COL15A1: variants seen among roughly 807,000 people sequenced by gnomAD.
COL15A1 encodes collagen alpha-1(XV) chain.
A neutral mutation model predicts 165.9 loss-of-function variants in COL15A1; 111 were observed. The observed-to-expected ratio is 0.67, with a 90% CI of 0.57 to 0.78. COL15A1 has a LOEUF of 0.78. Ranked by LOEUF, COL15A1 falls within the 30% of genes least tolerant of loss-of-function variation. COL15A1 has a pLI of 0.00. For missense variants in COL15A1, 1,745 were observed against 1,789.7 expected (o/e 0.98, Z 0.45); for synonymous variants, 659 against 674.8 (o/e 0.98, Z 0.36).
At chr9:99,007,549 T>C (rs1838783323) in intron 9 of COL15A1, among the ~76,000 whole-genome samples, 1 of 152,192 alleles carries the variant, frequency 6.6e-6, no homozygotes, top group Non-Finnish European at 1.5e-5. Context: ...AAGTTCACTT[T>C]TATCAGGCTG....
intron 21 of COL15A1, among the ~76,000 whole-genome samples, chr9:99,037,117 T>C (rs3780620): frequency 0.33 from 50,713 of 152,074 alleles, 9,672 homozygotes; most frequent in East Asian, 0.65. Flanking sequence ...TGGGAAGATG[T>C]CCACACAAAT....
chr9:99,048,103 G>A, intron 28 of COL15A1, 103 bp downstream of exon 28: 1 of 753,754 alleles, frequency 1.3e-6, no homozygotes. Context: ...CAGGAATGTT[G>A]TTCTTCTTCC....
chr9:99,011,145 A>G (rs762324122), intron 9 of COL15A1, among the ~76,000 whole-genome samples: 5 of 152,246 alleles, frequency 3.3e-5, no homozygotes, highest in African/African-American at 9.6e-5. Context: ...GTGTAAAAAA[A>G]TTATAATGCC....
chr9:99,061,130 G>A (rs891761438), intron 36 of COL15A1, among the ~76,000 whole-genome samples: 3 of 152,176 alleles, frequency 2.0e-5, no homozygotes, highest in African/African-American at 7.2e-5. Flanking sequence ...TTTGATCTTT[G>A]CTGGATGTTA....
Position 99,056,420 on chromosome 9 carries a change from A to G in COL15A1, c.3337+16A>G. On this transcript the variant is annotated intron_variant, in intron 35 of 41. Transcript: ENST00000375001. Reference sequence around the variant, plus strand: ...CTGGGAGCAGGTTAGTGCCGTAAACAGTGCCCTTGTTCATGCTGTCCCTAC... The same window carrying G: ...CTGGGAGCAGGTTAGTGCCGTAAACGGTGCCCTTGTTCATGCTGTCCCTAC... 1.3e-6 allele frequency: 2 copies of G among 1,595,810 alleles called. No homozygotes were observed. The highest frequency in any genetic ancestry group is 1.7e-6 in the Non-Finnish European group (2 of 1,173,104).
chr9:98,953,398 A>G (rs1487279385), intron 2 of COL15A1, among the ~76,000 whole-genome samples: 3 of 151,990 alleles, frequency 2.0e-5, no homozygotes, highest in Admixed American at 2.0e-4. Context: ...AATGCAGCCC[A>G]CTCTTTATCC....
At chr9:98,994,713 C>T (rs944001199) in intron 5 of COL15A1, among the ~76,000 whole-genome samples, 6 of 152,140 alleles carry the variant, frequency 3.9e-5, no homozygotes, top group African/African-American at 9.7e-5. Flanking sequence ...ATTGTGTGGA[C>T]GTGAGCCTGG....
chr9:99,024,726 T>A, intron 14 of COL15A1, 148 bp from the exon 15 acceptor site: 1 of 800,932 alleles, frequency 1.2e-6, no homozygotes, highest in South Asian at 1.9e-5. Flanking sequence ...ATGGTCTCAC[T>A]GAGCCTTATT....
chr9:99,003,707 G>T, intron 8 of COL15A1, 120 bp downstream of exon 8: 1 of 1,143,782 alleles, frequency 8.7e-7, no homozygotes, highest in East Asian at 2.9e-5. Context: ...GTCTCATGGG[G>T]GCAGTCTGTC....
intron 28 of COL15A1, among the ~76,000 whole-genome samples, 170 bp downstream of exon 28, chr9:99,048,170 G>A (rs1467786142): frequency 1.3e-5 from 2 of 152,172 alleles, no homozygotes; most frequent in African/African-American, 4.8e-5. Flanking sequence ...CTCCCTCTCA[G>A]GAGGGTCCTG....
chr9:98,980,096 G>A (rs1345700408), intron 2 of COL15A1, among the ~76,000 whole-genome samples: 2 of 152,076 alleles, frequency 1.3e-5, no homozygotes, highest in African/African-American at 4.8e-5. Context: ...GGAGGTGGAG[G>A]CTGCAGTGAG....
chr9:99,042,511 T>C (rs1195770733), intron 24 of COL15A1, among the ~76,000 whole-genome samples: 9 of 116,376 alleles, frequency 7.7e-5, no homozygotes, highest in African/African-American at 2.6e-4. Context: ...TCTAACCACC[T>C]GCTGGGCATC....
Position 99,044,777 on chromosome 9 carries a change from C to A in COL15A1, c.2679+7C>A. 1 of 1,612,252 alleles carries A rather than the reference C, an allele frequency of 6.2e-7. No homozygotes were observed. Among genetic ancestry groups the A allele is most frequent in the African/African-American group, 1.3e-5 (1 of 75,012 alleles). ...TGGAGCCCCAGGACCAATGGTAAGT[C>A]AGAGCGTCTCTCAGCTGGATCTGGG... On this transcript the variant is annotated splice_region_variant and intron_variant, in intron 26 of 41. Coordinates refer to ENST00000375001, the MANE Select transcript of COL15A1 (RefSeq NM_001855.5).
chr9:99,001,194 ATGAG>A (rs1838647717), intron 7 of COL15A1, among the ~76,000 whole-genome samples: 1 of 152,138 alleles, frequency 6.6e-6, no homozygotes, highest in African/African-American at 2.4e-5. Flanking sequence ...CTTGCCTGTG[ATGAG>A]CGAGCGTCCA....
intron 23 of COL15A1, chr9:99,040,804 C>G (rs1488153007): frequency 3.5e-6 from 2 of 577,784 alleles, no homozygotes; most frequent in East Asian, 6.0e-5. Context: ...CAAGCATGAG[C>G]CCCTGAGCCT....
At chr9:99,037,213 G>C (rs561888593) in intron 21 of COL15A1, among the ~76,000 whole-genome samples, 1 of 152,124 alleles carries the variant, frequency 6.6e-6, no homozygotes, top group Non-Finnish European at 1.5e-5. Context: ...ACAGCAAGTG[G>C]CCTATTTACA....
At chr9:99,042,967 G>C (rs532703313) in intron 24 of COL15A1, among the ~76,000 whole-genome samples, 3 of 152,292 alleles carry the variant, frequency 2.0e-5, no homozygotes, top group African/African-American at 7.2e-5. Context: ...CCTGTGCTAG[G>C]CGTAGGGATA....
At chr9:99,001,010 A>G in intron 7 of COL15A1, 59 bp downstream of exon 7, 6 of 833,742 alleles carry the variant, frequency 7.2e-6, no homozygotes, top group Non-Finnish European at 1.2e-5. Context: ...GCTTATTTCA[A>G]ACTTGGTGAT....
intron 2 of COL15A1, among the ~76,000 whole-genome samples, chr9:98,963,165 G>C (rs1013014279): frequency 1.3e-5 from 2 of 152,218 alleles, no homozygotes; most frequent in Admixed American, 1.3e-4. Context: ...CTTCCACCCA[G>C]CGTGGTCCAT....
Sources: allele counts gnomAD v4.1 joint callset (sites outside exome capture counted in the v4.1 genomes callset), GRCh38; gene constraint gnomAD v4.1.1; transcripts MANE v1.5; gene names NCBI Gene and HGNC (gene_info 2026-07-23, HGNC 2026-07-21).